Variants in BCL2L14 observed in about 807,000 individuals in gnomAD.
BCL2L14 encodes the protein BCL2 like 14, also known as apoptosis facilitator Bcl-2-like protein 14.
Under a neutral mutation model 35.3 loss-of-function variants are expected in BCL2L14, and 27 were observed. That is an observed-to-expected ratio of 0.76 (90% CI 0.56 to 1.05). The LOEUF is 1.05. Among genes scored for constraint, BCL2L14 ranks in the 50% least tolerant of loss-of-function variants. BCL2L14 has a pLI of 0.00. For synonymous variants in BCL2L14, 139 were observed against 145.9 expected (o/e 0.95, Z 0.34); for missense variants, 377 against 382.6 (o/e 0.99, Z 0.12).
At chr12:12,051,217 C>T (rs757322201) in intron 1 of BCL2L14, among the ~76,000 whole-genome samples, 5 of 152,110 alleles carry the variant, frequency 3.3e-5, no homozygotes, top group African/African-American at 1.2e-4. Flanking sequence ...CAGCTTCTTG[C>T]AGACTAGACT....
rs1948464627 is a variant in BCL2L14 at position 12,058,320 on chromosome 12, G to T, written c.-272+6473G>T. 1.3e-5 allele frequency among the ~76,000 whole-genome samples: 2 copies of T among 151,216 alleles called. 1 individual carries two copies. Among genetic ancestry groups the T allele is most frequent in the Admixed American group, 1.3e-4 (2 of 15,176 alleles). On this transcript the variant is annotated intron_variant, in intron 2 of 3. Coordinates refer to the BCL2L14 transcript ENST00000461264. ...GGCTAGAGTGCAGTGGCATGATGTC[G>T]GCTCACTGCAACCTCCGCTTCCCGG...
chr12:12,052,864 G>A (rs146952913), intron 2 of BCL2L14, among the ~76,000 whole-genome samples: 6 of 152,334 alleles, frequency 3.9e-5, no homozygotes, highest in South Asian at 2.1e-4. Context: ...AGGAGTATAC[G>A]TCTGAGCATT....
At chr12:12,079,210 T>C (rs1480939367) in intron 1 of BCL2L14, 89 bp from the exon 2 acceptor site, 12 of 1,085,798 alleles carry the variant, frequency 1.1e-5, no homozygotes, top group Non-Finnish European at 1.6e-5. Flanking sequence ...TCAATAAATG[T>C]TTCCTGAGTT....
intron 2 of BCL2L14, among the ~76,000 whole-genome samples, chr12:12,052,363 C>CCTTTGACCAACCTCTCTG (rs549510722): frequency 0.066 from 9,996 of 152,160 alleles, 425 homozygotes; most frequent in Non-Finnish European, 0.089. Flanking sequence ...AACTGTGTAG[C>CCTTTGACCAACCTCTCTG]CTTTTCCCAA....
intron 3 of BCL2L14, among the ~76,000 whole-genome samples, chr12:12,090,136 A>G (rs1013628246): frequency 6.6e-6 from 1 of 152,234 alleles, no homozygotes; most frequent in Non-Finnish European, 1.5e-5. Context: ...AAATATCTTC[A>G]TAGACAGAAT....
intron 2 of BCL2L14, among the ~76,000 whole-genome samples, chr12:12,061,733 C>T (rs1043300571): frequency 2.6e-5 from 4 of 152,198 alleles, no homozygotes; most frequent in African/African-American, 9.7e-5. Context: ...AGCAAATTAC[C>T]TGGGCTGTAC....
upstream of BCL2L14, among the ~76,000 whole-genome samples, chr12:12,069,867 A>G (rs1011342178): frequency 9.2e-5 from 14 of 152,170 alleles, no homozygotes; most frequent in African/African-American, 3.4e-4. Flanking sequence ...TCCCATAACT[A>G]CCATCTGTTT....
At chr12:12,068,134 G>T, upstream of BCL2L14, 1 of 398,336 alleles carries the variant, frequency 2.5e-6, no homozygotes, top group South Asian at 1.3e-4. Flanking sequence ...TGTAGTGATG[G>T]GGTTATCACC....
chr12:12,060,511 G>A (rs372971780), intron 2 of BCL2L14, among the ~76,000 whole-genome samples: 2,009 of 103,634 alleles, frequency 0.019, 33 homozygotes, highest in Admixed American at 0.044. Context: ...AATTAACCTC[G>A]CCTTCAAGGT....
At chr12:12,094,986 G>T in intron 5 of BCL2L14, 56 bp downstream of exon 5, 1 of 1,522,762 alleles carries the variant, frequency 6.6e-7, no homozygotes, top group Non-Finnish European at 8.8e-7. Context: ...AGATGGGATG[G>T]ATTTTTTTTT....
upstream of BCL2L14, among the ~76,000 whole-genome samples, chr12:12,070,050 C>T (rs1216056062): frequency 6.6e-6 from 1 of 152,218 alleles, no homozygotes; most frequent in Non-Finnish European, 1.5e-5. Context: ...TCACTTAAGA[C>T]TCTGGAAAGA....
At chr12:12,085,883 A>C (rs984307572) in intron 2 of BCL2L14, among the ~76,000 whole-genome samples, 7 of 152,100 alleles carry the variant, frequency 4.6e-5, no homozygotes, top group African/African-American at 1.7e-4. Context: ...GAGCACACCA[A>C]CCTTCTGTCC....
At chr12:12,085,630 C>T (rs566893153) in intron 2 of BCL2L14, among the ~76,000 whole-genome samples, 1 of 152,260 alleles carries the variant, frequency 6.6e-6, no homozygotes, top group South Asian at 2.1e-4. Flanking sequence ...AGATGTCCAC[C>T]AGAGGATGGC....
At chr12:12,056,577 T>A (rs1948436095) in intron 2 of BCL2L14, among the ~76,000 whole-genome samples, 1 of 152,220 alleles carries the variant, frequency 6.6e-6, no homozygotes, top group East Asian at 1.9e-4. Context: ...CGCTCACTCG[T>A]AATCCCAGCA....
intron 5 of BCL2L14, chr12:12,095,325 A>G: frequency 1.0e-6 from 1 of 985,418 alleles, no homozygotes; most frequent in Non-Finnish European, 1.2e-6. Flanking sequence ...CTTAGAGGTC[A>G]CGGAGACTAA....
At chr12:12,068,239 A>G (rs778860234), upstream of BCL2L14, 1 of 398,406 alleles carries the variant, frequency 2.5e-6, no homozygotes, top group Non-Finnish European at 4.4e-6. Context: ...GCCACTGTGC[A>G]TGACCAAGAC....
intron 2 of BCL2L14, 49 bp from the exon 3 acceptor site, chr12:12,087,164 A>G: frequency 1.3e-6 from 2 of 1,591,794 alleles, no homozygotes; most frequent in Non-Finnish European, 1.7e-6. Context: ...CCAATGAGCC[A>G]GATGAAGTTC....
At chr12:12,058,918 A>G (rs1248425708) in intron 2 of BCL2L14, among the ~76,000 whole-genome samples, 6 of 152,086 alleles carry the variant, frequency 3.9e-5, no homozygotes, top group African/African-American at 1.4e-4. Flanking sequence ...CATCTCACCA[A>G]TTTCAAATCC....
Position 12,094,359 on chromosome 12 carries a change from C to T in BCL2L14, c.679-305C>T. On this transcript the variant is annotated intron_variant, in intron 4 of 5. Transcript: ENST00000308721. ...AGACTGTGAGCCCTTTGAGTGAGGA[C>T]CCGCATCTCAGTCATCCATACTACC... 3 of 697,566 alleles carry T rather than the reference C, an allele frequency of 4.3e-6. No homozygotes were observed. In the South Asian group the frequency reaches 5.2e-5, roughly 12 times the overall value. The allele number at this position is 697,566 out of a possible 1,614,324, so 43.2% of individuals were successfully genotyped here.
Sources: allele counts gnomAD v4.1 joint callset (sites outside exome capture counted in the v4.1 genomes callset), GRCh38; gene constraint gnomAD v4.1.1; transcripts MANE v1.5; gene names NCBI Gene and HGNC (gene_info 2026-07-23, HGNC 2026-07-21).